The following CDH18 variants were observed in gnomAD, a reference collection of about 807,000 sequenced individuals.
The protein encoded by CDH18 is cadherin 18.
CDH18 carries 31 observed loss-of-function variants against 67.9 expected under a neutral mutation model. The ratio of observed to expected loss-of-function variants is 0.46; its 90% CI spans 0.34 to 0.62. CDH18 has a LOEUF of 0.62. Among genes scored for constraint, CDH18 ranks in the 20% least tolerant of loss-of-function variants. CDH18 has a pLI of 0.01. For missense variants in CDH18, 890 were observed against 975.5 expected (o/e 0.91, Z 1.17); for synonymous variants, 362 against 347.2 (o/e 1.04, Z -0.48).
chr5:19,915,184 A>G (rs1296557678), intron 2 of CDH18, among the ~76,000 whole-genome samples: 1 of 152,012 alleles, frequency 6.6e-6, no homozygotes, highest in East Asian at 1.9e-4. Flanking sequence ...AGACTCTTCT[A>G]CTAATTTGCT....
intron 11 of CDH18, among the ~76,000 whole-genome samples, chr5:19,487,506 A>G (rs1740603454): frequency 6.6e-6 from 1 of 152,196 alleles, no homozygotes. Flanking sequence ...GAATGTTTAC[A>G]TGTCATATAT....
chr5:20,303,117 C>T (rs1033099239), intron 1 of CDH18, among the ~76,000 whole-genome samples: 5 of 152,128 alleles, frequency 3.3e-5, no homozygotes, highest in Admixed American at 6.5e-5. Context: ...TGAATTCACA[C>T]GGCTCGTGTG....
At chr5:19,520,906 A>G (rs1300958083) in intron 9 of CDH18, 128 bp from the exon 10 acceptor site, 4 of 949,622 alleles carry the variant, frequency 4.2e-6, no homozygotes, top group Non-Finnish European at 4.7e-6. Flanking sequence ...TTGGCAAACG[A>G]CAACTTTATG....
chr5:20,187,951 C>A (rs1738232079), intron 2 of CDH18, among the ~76,000 whole-genome samples: 1 of 151,606 alleles, frequency 6.6e-6, no homozygotes, highest in African/African-American at 2.4e-5. Context: ...AATTTCTATT[C>A]CTAAAAATTG....
At chr5:19,626,172 GC>G (rs1485161377) in intron 5 of CDH18, among the ~76,000 whole-genome samples, 1 of 152,004 alleles carries the variant, frequency 6.6e-6, no homozygotes, top group Non-Finnish European at 1.5e-5. Context: ...CACCACTCAA[GC>G]GACAACACTA....
Position 19,734,449 on chromosome 5 carries a change from A to G in CDH18, c.523+12493T>C, listed in dbSNP as rs948672792. Among the ~76,000 whole-genome samples the G allele has an allele frequency of 2.6e-5, 4 of 152,220 alleles. No homozygotes were observed. The South Asian group carries it at 8.3e-4, about 32-fold the overall frequency. ...TGATATGGACGTTTTGGTTTACTGG[A>G]AGTTAATTTCTGCTTAATTCTTGTG... On this transcript the variant is annotated intron_variant, in intron 4 of 12. Transcript: ENST00000382275.
At chr5:20,304,818 T>C in intron 1 of CDH18, 2 of 1,611,394 alleles carry the variant, frequency 1.2e-6, no homozygotes, top group Non-Finnish European at 1.7e-6. Context: ...CTTTGTTAGA[T>C]TCACTTTCAG....
chr5:20,195,155 A>G (rs997753279), intron 2 of CDH18, among the ~76,000 whole-genome samples: 4 of 152,086 alleles, frequency 2.6e-5, no homozygotes, highest in African/African-American at 9.6e-5. Flanking sequence ...TGTGTACCCA[A>G]TTATCATCAT....
chr5:19,676,059 A>G (rs1759445628), intron 5 of CDH18, among the ~76,000 whole-genome samples: 1 of 152,028 alleles, frequency 6.6e-6, no homozygotes, highest in African/African-American at 2.4e-5. Flanking sequence ...ACACAATCAC[A>G]AGTACTAAAA....
At chr5:20,062,236 T>C (rs940831606) in intron 2 of CDH18, among the ~76,000 whole-genome samples, 1 of 151,282 alleles carries the variant, frequency 6.6e-6, no homozygotes, top group African/African-American at 2.4e-5. Flanking sequence ...GGCTCACTGC[T>C]ACCTCTGTCT....
In CDH18 at chr5:19,546,705, G is replaced by A. The variant is rs565090796; in HGVS notation, c.1254-2700C>T. Among the ~76,000 whole-genome samples, 9 of 152,246 alleles carry A rather than the reference G, an allele frequency of 5.9e-5. No individual in the cohort carries two copies. The East Asian group carries it at 1.7e-3, about 29-fold the overall frequency. ...TATGCAGAGCATATTGCTAAGGTGT[G>A]AAATCTTCTAACCTCCTGTGGAGAG... On this transcript the variant is annotated intron_variant, in intron 8 of 12. Transcript: ENST00000382275.
chr5:19,648,068 C>T (rs764529195), intron 5 of CDH18, among the ~76,000 whole-genome samples: 1 of 151,534 alleles, frequency 6.6e-6, no homozygotes, highest in African/African-American at 2.4e-5. Context: ...TTAGATTCTA[C>T]AACCATATCG....
intron 5 of CDH18, among the ~76,000 whole-genome samples, chr5:19,660,552 G>A (rs1408536100): frequency 6.6e-6 from 1 of 152,100 alleles, no homozygotes; most frequent in African/African-American, 2.4e-5. Context: ...CTTTTACTTG[G>A]TTGTGCTTAA....
At chr5:20,553,008 C>G (rs1757721239) in intron 1 of CDH18, among the ~76,000 whole-genome samples, 1 of 152,130 alleles carries the variant, frequency 6.6e-6, no homozygotes, top group Non-Finnish European at 1.5e-5. Flanking sequence ...CCGCCTGGGC[C>G]TCCCAAAGTG....
At chr5:19,873,266 A>C (rs1178205476) in intron 2 of CDH18, among the ~76,000 whole-genome samples, 1 of 151,770 alleles carries the variant, frequency 6.6e-6, no homozygotes, top group Non-Finnish European at 1.5e-5. Flanking sequence ...GGTTCAGCTT[A>C]AAGTACCATC....
intron 2 of CDH18, among the ~76,000 whole-genome samples, chr5:20,090,922 TC>T (rs984800235): frequency 6.6e-6 from 1 of 151,632 alleles, no homozygotes; most frequent in African/African-American, 2.4e-5. Flanking sequence ...GGTGATGCAT[TC>T]CTGTAGTCCC....
At chr5:20,130,515 T>C (rs1749185977) in intron 2 of CDH18, among the ~76,000 whole-genome samples, 1 of 151,722 alleles carries the variant, frequency 6.6e-6, no homozygotes. Flanking sequence ...CATCTAAAAA[T>C]TACCATCATG....
At chr5:20,276,769 G>T (rs971473405) in intron 1 of CDH18, among the ~76,000 whole-genome samples, 1 of 152,154 alleles carries the variant, frequency 6.6e-6, no homozygotes, top group Non-Finnish European at 1.5e-5. Flanking sequence ...CTGGCACTAG[G>T]CCAGAGGGGA....
At chr5:19,942,831 C>T (rs189117500) in intron 2 of CDH18, among the ~76,000 whole-genome samples, 4 of 152,202 alleles carry the variant, frequency 2.6e-5, no homozygotes, top group Admixed American at 1.3e-4. Context: ...AGAAATGCCC[C>T]GACTCTCAGC....
Sources: allele counts gnomAD v4.1 joint callset (sites outside exome capture counted in the v4.1 genomes callset), GRCh38; gene constraint gnomAD v4.1.1; transcripts MANE v1.5; gene names NCBI Gene and HGNC (gene_info 2026-07-23, HGNC 2026-07-21).